IQCH: variants seen among roughly 807,000 people sequenced by gnomAD.
IQCH encodes the protein IQ domain-containing protein H.
IQCH carries 98 observed loss-of-function variants against 117.0 expected under a neutral mutation model. The ratio of observed to expected loss-of-function variants is 0.84; its 90% CI spans 0.71 to 0.99. The LOEUF (loss-of-function observed/expected upper bound fraction) is 0.99, where lower values mean the gene tolerates loss of function less well. Among genes scored for constraint, IQCH ranks in the 50% least tolerant of loss-of-function variants. The pLI is 0.00. For missense variants in IQCH, 1,102 were observed against 1,243.8 expected, an observed-to-expected ratio of 0.89 and a Z score of 1.72; for synonymous variants, 412 against 448.2, an observed-to-expected ratio of 0.92 and a Z score of 1.02.
chr15:67,301,433 C>T lies in IQCH; in HGVS notation c.387+21921C>T, dbSNP rs1001530236. 7.4e-5 allele frequency among the ~76,000 whole-genome samples: 7 copies of T among 94,434 alleles called. No individual in the cohort carries two copies. The East Asian group carries it at 2.3e-3, about 31-fold the overall frequency. The allele number at this position is 94,434 out of a possible 152,430, so 62.0% of individuals were successfully genotyped here. A position where few individuals can be genotyped will look rare whatever the true frequency, so the allele number is the denominator to read the frequency against. ...TTTTTTTTTTTTTTTTTTTTGAAAC[C>T]GAGTCTCATTCTGTTGCCCAGGCTA... On this transcript the variant is annotated intron_variant, in intron 4 of 20. Transcript: ENST00000335894.
rs1971236268 is a variant in IQCH at position 67,390,092 on chromosome 15, CTG to C, written c.1632+1089_1632+1090del. ...AGTTTTGTTTCATTGGCACTTCTGA[CTG>C]TGAAAGAGGAAGGTAAGGACAGGGG... On this transcript the variant is annotated intron_variant, in intron 12 of 20. Transcript: ENST00000335894. The surrounding 1 kb of genome is among the most constrained non-coding windows in gnomAD (Gnocchi z 5.0). Among the ~76,000 whole-genome samples the C allele has an allele frequency of 6.6e-6, 1 of 152,112 alleles. No individual in the cohort carries two copies. Among genetic ancestry groups the C allele is most frequent in the African/African-American group, 2.4e-5 (1 of 41,412 alleles).
In IQCH at chr15:67,476,913, G is replaced by A. The variant is rs1486388905; in HGVS notation, c.2799+1095G>A. On this transcript the variant is annotated intron_variant, in intron 18 of 20. Coordinates refer to ENST00000335894, the MANE Select transcript of IQCH (RefSeq NM_001031715.3). This position sits in a 1 kb window ranked among gnomAD's most constrained non-coding sequence, Gnocchi z 4.1. ...GTATATATAATGACATAAGAATTGAGTAGTAACCAGTTGATCAGATGTTTT... is the reference window on the plus strand; with the variant it reads ...GTATATATAATGACATAAGAATTGAATAGTAACCAGTTGATCAGATGTTTT... 6.6e-6 allele frequency among the ~76,000 whole-genome samples: 1 copy of A among 152,040 alleles called. No homozygotes were observed. The highest frequency in any genetic ancestry group is 1.5e-5 in the Non-Finnish European group (1 of 68,024).
rs895024107 is a variant in IQCH at position 67,306,738 on chromosome 15, A to G, written c.387+27226A>G. The G allele has an allele frequency of 2.4e-5, 21 of 887,736 alleles. No individual in the cohort carries two copies. In the African/African-American group the frequency reaches 3.3e-4, roughly 14 times the overall value. 55.0% of individuals were successfully genotyped at this position (887,736 alleles called of 1,614,324 possible). On this transcript the variant is annotated intron_variant, in intron 4 of 20. Transcript: ENST00000335894. ...GTTATGTAAAATCAATTTACCAAAAACATATTAAAAGTGAGACTCACTGGT... is the reference window on the plus strand; with the variant it reads ...GTTATGTAAAATCAATTTACCAAAAGCATATTAAAAGTGAGACTCACTGGT...
At position 67,386,643 on chromosome 15, in the gene IQCH, G is replaced by A. The variant is rs542785095; in HGVS notation, c.1456+1624G>A. Reference sequence around the variant, plus strand: ...AAACAAAGATAATCCAGTCACACTGGTAAGGCTTGTCACTAGATATTGGCT... The same window carrying A: ...AAACAAAGATAATCCAGTCACACTGATAAGGCTTGTCACTAGATATTGGCT... On this transcript the variant is annotated intron_variant, in intron 11 of 20. Coordinates refer to ENST00000335894, the MANE Select transcript of IQCH (RefSeq NM_001031715.3). The surrounding 1 kb of genome is among the most constrained non-coding windows in gnomAD (Gnocchi z 5.0). Among the ~76,000 whole-genome samples the A allele has an allele frequency of 2.6e-4, 40 of 151,988 alleles. No individual in the cohort carries two copies. Among genetic ancestry groups the A allele is most frequent in the Admixed American group, 1.8e-3 (27 of 15,242 alleles).
rs1444808406 is a variant in IQCH, at chr15:67,391,755, T to C, written c.1632+2749T>C. ...TAGTGATACATCCTTTGCCATCACT[T>C]ATTCACATTTAAATCTTTATTAAAC... On this transcript the variant is annotated intron_variant, in intron 12 of 20. Transcript: ENST00000335894. This position sits in a 1 kb window ranked among gnomAD's most constrained non-coding sequence, Gnocchi z 4.3. Among the ~76,000 whole-genome samples the C allele has an allele frequency of 6.6e-6, 1 of 152,224 alleles. No individual in the cohort carries two copies. Among genetic ancestry groups the C allele is most frequent in the Non-Finnish European group, 1.5e-5 (1 of 68,030 alleles).
rs1458354565 is a variant in IQCH at position 67,456,969 on chromosome 15, C to A, written c.2506-8158C>A. 6.6e-6 allele frequency among the ~76,000 whole-genome samples: 1 copy of A among 151,998 alleles called. No homozygotes were observed. Among genetic ancestry groups the A allele is most frequent in the Non-Finnish European group, 1.5e-5 (1 of 67,996 alleles). ...TCGTGGAGCTGTGATTTAAGTCATG[C>A]CCAAAAAGATGAGTAGGATTAACAG... On this transcript the variant is annotated intron_variant, in intron 16 of 20. Transcript: ENST00000335894. This position sits in a 1 kb window ranked among gnomAD's most constrained non-coding sequence, Gnocchi z 5.1.
chr15:67,315,903 G>A (rs75543970), intron 4 of IQCH, among the ~76,000 whole-genome samples: 4,246 of 152,206 alleles, frequency 0.028, 213 homozygotes, highest in African/African-American at 0.099. Context: ...ATACTATCCA[G>A]AGGATGAGAG....
At chr15:67,323,615 A>G (rs8032438) in intron 4 of IQCH, among the ~76,000 whole-genome samples, 45,336 of 151,860 alleles carry the variant, frequency 0.3, 6,964 homozygotes, top group African/African-American at 0.38. Flanking sequence ...ATACCTCTTC[A>G]TATTATTTTT....
chr15:67,299,175 C>T (rs1393916431), intron 4 of IQCH, among the ~76,000 whole-genome samples: 1 of 151,192 alleles, frequency 6.6e-6, no homozygotes, highest in African/African-American at 2.4e-5. Context: ...CATAGAAGGG[C>T]AGGATTCACA....
intron 1 of IQCH, among the ~76,000 whole-genome samples, chr15:67,258,196 C>T (rs921819850): frequency 1.4e-5 from 2 of 147,398 alleles, no homozygotes; most frequent in South Asian, 4.3e-4. Flanking sequence ...TGCACCAGTA[C>T]ACTCCAACAC....
chr15:67,488,589 T>C (rs1212135281), intron 18 of IQCH, among the ~76,000 whole-genome samples: 5 of 152,212 alleles, frequency 3.3e-5, no homozygotes, highest in African/African-American at 7.2e-5. Context: ...GGGAGTGCTA[T>C]AGACCAGCAA....
In IQCH at chr15:67,431,108, A is replaced by G. The variant is rs1213083377; in HGVS notation, c.2505+9531A>G. Among the ~76,000 whole-genome samples, 2 of 152,138 alleles carry G rather than the reference A, an allele frequency of 1.3e-5. No individual in the cohort carries two copies. Among genetic ancestry groups the G allele is most frequent in the Non-Finnish European group, 2.9e-5 (2 of 68,012 alleles). ...GAGAAACAGGCTCACTTGGTGGGAA[A>G]GAGTGGTGGGAAAAAGCACAGAACA... On this transcript the variant is annotated intron_variant, in intron 16 of 20. Coordinates refer to ENST00000335894, the MANE Select transcript of IQCH (RefSeq NM_001031715.3). This position sits in a 1 kb window ranked among gnomAD's most constrained non-coding sequence, Gnocchi z 4.8.
chr15:67,287,494 A>G (rs1966606436), intron 4 of IQCH, among the ~76,000 whole-genome samples: 1 of 152,104 alleles, frequency 6.6e-6, no homozygotes, highest in Non-Finnish European at 1.5e-5. Flanking sequence ...TGGTTTAGAC[A>G]TAGTAGGGTG....
chr15:67,290,404 A>C (rs1966712381), intron 4 of IQCH, among the ~76,000 whole-genome samples: 1 of 152,098 alleles, frequency 6.6e-6, no homozygotes, highest in Non-Finnish European at 1.5e-5. Context: ...ATCTCTGCTT[A>C]AATTTTAAGC....
At chr15:67,380,656 T>C (rs1304464246) in intron 10 of IQCH, among the ~76,000 whole-genome samples, 2 of 152,248 alleles carry the variant, frequency 1.3e-5, no homozygotes, top group Non-Finnish European at 2.9e-5. Context: ...AAAGTTTTCT[T>C]ATGAATTGGA....
At chr15:67,261,429 G>T in intron 2 of IQCH, 35 bp downstream of exon 2, 1 of 1,539,924 alleles carries the variant, frequency 6.5e-7, no homozygotes, top group Non-Finnish European at 8.7e-7. Context: ...ATACTGGAAG[G>T]AGACAAAGCA....
chr15:67,332,321 CAG>C (rs1968701676), intron 4 of IQCH, among the ~76,000 whole-genome samples: 2 of 152,054 alleles, frequency 1.3e-5, no homozygotes, highest in Admixed American at 1.3e-4. Context: ...AATCACCAAC[CAG>C]GGGTGGAAAA....
intron 18 of IQCH, among the ~76,000 whole-genome samples, chr15:67,489,645 T>C (rs2083594507): frequency 1.3e-5 from 2 of 151,958 alleles, no homozygotes; most frequent in South Asian, 4.2e-4. Flanking sequence ...CCATCACTCT[T>C]AGAACAGTGG....
intron 4 of IQCH, among the ~76,000 whole-genome samples, chr15:67,308,075 C>A (rs1300017362): frequency 6.6e-6 from 1 of 152,124 alleles, no homozygotes; most frequent in Non-Finnish European, 1.5e-5. Context: ...TGTCTCCGGA[C>A]AAGAATGGAG....
Sources: allele counts gnomAD v4.1 joint callset (sites outside exome capture counted in the v4.1 genomes callset), GRCh38; gene constraint gnomAD v4.1.1; non-coding constraint Gnocchi (gnomAD v3.1); transcripts MANE v1.5; gene names NCBI Gene and HGNC (gene_info 2026-07-23, HGNC 2026-07-21).